LY75: variants seen among roughly 807,000 people sequenced by gnomAD.
LY75 encodes C-type lectin domain family 13 member B.
A neutral mutation model predicts 231.7 loss-of-function variants in LY75; 185 were observed. The observed-to-expected ratio is 0.80, with a 90% CI of 0.71 to 0.90. The LOEUF (loss-of-function observed/expected upper bound fraction) is 0.90. Ranked by LOEUF, LY75 falls within the 40% of genes least tolerant of loss-of-function variation. LY75 has a pLI of 0.00. For missense variants in LY75, 1,947 were observed against 2,050.2 expected, an observed-to-expected ratio of 0.95 and a Z score of 0.97; for synonymous variants, 668 against 689.0, an observed-to-expected ratio of 0.97 and a Z score of 0.48.
chr2:159,815,578 T>C lies in LY75; in HGVS notation c.4381-5A>G, dbSNP rs1391095151. On this transcript the variant is annotated splice_region_variant and splice_polypyrimidine_tract_variant and intron_variant, in intron 30 of 34. Transcript: ENST00000263636. Reference sequence around the variant, plus strand: ...TTCAAAACTTGATTCACTTCCCTGTTGTAAGAACAATAGAGATAACCTGAA... The same window carrying C: ...TTCAAAACTTGATTCACTTCCCTGTCGTAAGAACAATAGAGATAACCTGAA... 6.2e-7 allele frequency: 1 copy of C among 1,611,298 alleles called. No individual in the cohort carries two copies. The highest frequency in any genetic ancestry group is 8.5e-7 in the Non-Finnish European group (1 of 1,179,380).
intron 2 of LY75, among the ~76,000 whole-genome samples, chr2:159,896,797 T>C (rs1394822126): frequency 2.0e-5 from 3 of 152,202 alleles, no homozygotes; most frequent in African/African-American, 7.2e-5. Context: ...AGAACTTAGA[T>C]GGTACCAGTC....
At chr2:159,846,936 G>A (rs187291068) in intron 23 of LY75, among the ~76,000 whole-genome samples, 555 of 152,252 alleles carry the variant, frequency 3.6e-3, no homozygotes, top group African/African-American at 0.013. Flanking sequence ...ATGAAAATAC[G>A]ATATCAAACT....
chr2:159,866,288 T>C (rs527997868), intron 13 of LY75, among the ~76,000 whole-genome samples: 4 of 152,342 alleles, frequency 2.6e-5, no homozygotes, highest in Admixed American at 2.6e-4. Flanking sequence ...TGATTTCTTA[T>C]TTTTTAATAA....
At chr2:159,824,815 C>T (rs1249003459) in intron 28 of LY75, among the ~76,000 whole-genome samples, 7 of 151,886 alleles carry the variant, frequency 4.6e-5, no homozygotes, top group Admixed American at 3.3e-4. Context: ...CACTCAAAAC[C>T]GCACAACTAC....
At position 159,867,316 on chromosome 2, in the gene LY75, A is replaced by T. The variant is rs76678765; in HGVS notation, c.2118-2396T>A. ...AAGTGGAAAATATTTCCTCAATTGT[A>T]ACTCATTCCTGGTTTGGCCTAGTTT... On this transcript the variant is annotated intron_variant, in intron 13 of 34. Coordinates refer to ENST00000263636, the MANE Select transcript of LY75 (RefSeq NM_002349.4). Among the ~76,000 whole-genome samples, 2,329 of 152,232 alleles carry T rather than the reference A, an allele frequency of 0.015. 109 individuals are homozygous for T. In the East Asian group the frequency reaches 0.16, roughly 10 times the overall value.
At chr2:159,903,750 C>G (rs1560109519) in intron 1 of LY75, 3 of 152,338 alleles carry the variant, frequency 2.0e-5, no homozygotes, top group South Asian at 4.1e-4. Flanking sequence ...AACCAAGAAA[C>G]AAAGTTCTCT....
At chr2:159,867,743 T>C (rs1270513873) in intron 13 of LY75, among the ~76,000 whole-genome samples, 1 of 152,208 alleles carries the variant, frequency 6.6e-6, no homozygotes, top group Non-Finnish European at 1.5e-5. Context: ...CAGGGGGTAG[T>C]GTACACAGCA....
Position 159,853,541 on chromosome 2 carries a change from A to G in LY75, c.2663+89T>C. 3 of 1,581,612 alleles carry G rather than the reference A, an allele frequency of 1.9e-6. No homozygotes were observed. In the South Asian group the frequency reaches 3.4e-5, roughly 18 times the overall value. On this transcript the variant is annotated intron_variant, in intron 19 of 34. Transcript: ENST00000263636. ...AGGCAGTTTATGGATTAATATTCAA[A>G]CTACTTATAAATAGAAATCCATTTA...
At chr2:159,858,810 G>C (rs1684617231) in intron 15 of LY75, among the ~76,000 whole-genome samples, 1 of 152,192 alleles carries the variant, frequency 6.6e-6, no homozygotes. Context: ...GCGACATAAA[G>C]GTCCAGCCTC....
intron 2 of LY75, among the ~76,000 whole-genome samples, chr2:159,895,888 T>C (rs1685896116): frequency 6.6e-6 from 1 of 152,246 alleles, no homozygotes; most frequent in East Asian, 1.9e-4. Flanking sequence ...ACACATTCTT[T>C]GCTGATGCTG....
chr2:159,877,280 A>G (rs1355303907), intron 11 of LY75, among the ~76,000 whole-genome samples: 1 of 152,176 alleles, frequency 6.6e-6, no homozygotes, highest in Non-Finnish European at 1.5e-5. Flanking sequence ...TGTTATAAAA[A>G]ATAGTCTTCA....
intron 11 of LY75, among the ~76,000 whole-genome samples, chr2:159,877,238 T>C (rs1271019369): frequency 6.6e-6 from 1 of 152,126 alleles, no homozygotes; most frequent in East Asian, 1.9e-4. Flanking sequence ...AAATAACATG[T>C]TCAATTGTAA....
At chr2:159,823,643 A>G (rs1683369422) in intron 28 of LY75, among the ~76,000 whole-genome samples, 1 of 152,178 alleles carries the variant, frequency 6.6e-6, no homozygotes, top group Non-Finnish European at 1.5e-5. Context: ...AAAACACATA[A>G]TCATCAAATT....
chr2:159,820,474 C>G (rs2125833575), intron 28 of LY75, among the ~76,000 whole-genome samples: 1 of 152,234 alleles, frequency 6.6e-6, no homozygotes, highest in Non-Finnish European at 1.5e-5. Context: ...CAAGTGGGAG[C>G]TAAGCTATGA....
At chr2:159,875,321 G>T in intron 12 of LY75, 123 bp downstream of exon 12, 1 of 1,335,386 alleles carries the variant, frequency 7.5e-7, no homozygotes, top group Non-Finnish European at 1.0e-6. Flanking sequence ...AGGACTCTGT[G>T]CTCCAGAGCA....
chr2:159,861,341 C>T (rs9636280), intron 14 of LY75, among the ~76,000 whole-genome samples: 62,951 of 151,902 alleles, frequency 0.41, 14,582 homozygotes, highest in Non-Finnish European at 0.53. Flanking sequence ...TATTGAATAT[C>T]TGAGAATAAT....
chr2:159,839,756 A>G (rs1377577818), intron 25 of LY75, among the ~76,000 whole-genome samples: 2 of 152,124 alleles, frequency 1.3e-5, no homozygotes, highest in African/African-American at 4.8e-5. Context: ...CTCTAATCCC[A>G]ACACTTTGGG....
intron 7 of LY75, among the ~76,000 whole-genome samples, chr2:159,881,777 T>G (rs961259589): frequency 5.3e-5 from 8 of 152,340 alleles, no homozygotes; most frequent in African/African-American, 1.9e-4. Context: ...TTGAGCAACT[T>G]AAATAGAATT....
intron 19 of LY75, 128 bp from the exon 20 acceptor site, chr2:159,853,480 A>C: frequency 6.9e-7 from 1 of 1,453,034 alleles, no homozygotes; most frequent in Non-Finnish European, 9.3e-7. Context: ...TTTTTTCTTG[A>C]TGCTAACATG....
Sources: gnomAD v4.1 joint callset for allele counts (sites outside exome capture counted in the v4.1 genomes callset) on GRCh38, gnomAD v4.1.1 for gene constraint, MANE v1.5 for transcripts, NCBI Gene and HGNC (gene_info 2026-07-23, HGNC 2026-07-21) for gene names.